Variants in PIK3C2G observed in about 807,000 individuals in gnomAD.
PIK3C2G encodes the protein phosphatidylinositol-4-phosphate 3-kinase catalytic subunit type 2 gamma, also known as phosphatidylinositol 3-kinase C2 domain-containing subunit gamma.
A neutral mutation model predicts 181.1 loss-of-function variants in PIK3C2G; 168 were observed. The observed-to-expected ratio is 0.93, with a 90% confidence interval of 0.82 to 1.05. The LOEUF (loss-of-function observed/expected upper bound fraction) is 1.05, where lower values mean the gene tolerates loss of function less well. Among genes scored for constraint, PIK3C2G ranks in the 50% least tolerant of loss-of-function variants. The pLI is 0.00. For missense variants in PIK3C2G, 1,869 were observed against 1,732.8 expected (o/e 1.08, Z -1.40); for synonymous variants, 573 against 592.2 (o/e 0.97, Z 0.47).
chr12:18,568,234 C>G (rs1469400242), intron 29 of PIK3C2G, among the ~76,000 whole-genome samples: 1 of 152,100 alleles, frequency 6.6e-6, no homozygotes, highest in Non-Finnish European at 1.5e-5. Context: ...TCACGGGGAT[C>G]TAAGAAAATG....
At chr12:18,518,956 G>C (rs1180878279) in intron 24 of PIK3C2G, among the ~76,000 whole-genome samples, 1 of 152,168 alleles carries the variant, frequency 6.6e-6, no homozygotes, top group African/African-American at 2.4e-5. Flanking sequence ...TGGTTTCAAA[G>C]AACTTCTTGA....
chr12:18,570,081 G>A (rs1945845354), intron 29 of PIK3C2G, among the ~76,000 whole-genome samples: 1 of 152,060 alleles, frequency 6.6e-6, no homozygotes, highest in Non-Finnish European at 1.5e-5. Context: ...TTCTTAGTAA[G>A]AACATACCCT....
At chr12:18,698,592 T>C in the PIK3C2G span, among the ~76,000 whole-genome samples, 1 of 152,156 alleles carries the variant, frequency 6.6e-6, no homozygotes, top group East Asian at 1.9e-4. Context: ...GGTGCTGATT[T>C]TCCTTCTGTG....
At chr12:18,702,785 C>T in the PIK3C2G span, among the ~76,000 whole-genome samples, 2 of 150,520 alleles carry the variant, frequency 1.3e-5, no homozygotes, top group Admixed American at 6.6e-5. Flanking sequence ...AATTCTTTTA[C>T]ACACAAGGAC....
At chr12:18,539,032 G>A (rs117083028) in intron 25 of PIK3C2G, among the ~76,000 whole-genome samples, 2,332 of 151,906 alleles carry the variant, frequency 0.015, 25 homozygotes, top group Non-Finnish European at 0.021. Flanking sequence ...AACTATACAT[G>A]GGAAACATAC....
the PIK3C2G span, among the ~76,000 whole-genome samples, chr12:18,662,100 GAAC>G: frequency 1.3e-5 from 2 of 152,154 alleles, no homozygotes; most frequent in East Asian, 3.9e-4. Context: ...ACAAAAATGA[GAAC>G]AATAGACACT....
Position 18,495,248 on chromosome 12 carries a change from C to T in PIK3C2G, c.2794-814C>T, listed in dbSNP as rs187333028. On this transcript the variant is annotated intron_variant, in intron 20 of 32. Transcript: ENST00000538779. ...ATGAAGTCTTCAATGCCATCATGAA[C>T]TCTCTAATAGCCTAAAGACATACAG... Among the ~76,000 whole-genome samples, 336 of 152,070 alleles carry T rather than the reference C, an allele frequency of 2.2e-3. 3 individuals are homozygous for T. Among genetic ancestry groups the T allele is most frequent in the Non-Finnish European group, 2.1e-3 (145 of 67,948 alleles).
chr12:18,584,815 G>A (rs955533082), intron 29 of PIK3C2G, among the ~76,000 whole-genome samples: 7 of 151,918 alleles, frequency 4.6e-5, no homozygotes, highest in Non-Finnish European at 1.0e-4. Flanking sequence ...CACCTACAAA[G>A]GGAACACCAT....
intron 3 of PIK3C2G, among the ~76,000 whole-genome samples, chr12:18,288,988 T>C (rs558146723): frequency 5.3e-5 from 8 of 152,308 alleles, no homozygotes; most frequent in Non-Finnish European, 8.8e-5. Context: ...ACAATAACTT[T>C]AGAGTAGTGA....
chr12:18,657,314 G>T, the PIK3C2G span, among the ~76,000 whole-genome samples: 263 of 152,274 alleles, frequency 1.7e-3, 4 homozygotes, highest in East Asian at 0.036. Context: ...AAATACCTGG[G>T]ATTTAGATGA....
the PIK3C2G span, among the ~76,000 whole-genome samples, chr12:18,726,168 A>T: frequency 6.6e-6 from 1 of 152,136 alleles, no homozygotes; most frequent in Non-Finnish European, 1.5e-5. Flanking sequence ...ATCTCCCTAG[A>T]CTTAAGGAGG....
At chr12:18,696,226 T>G in the PIK3C2G span, 1 of 1,599,462 alleles carries the variant, frequency 6.3e-7, no homozygotes, top group Non-Finnish European at 8.5e-7. Flanking sequence ...TGGGATATAT[T>G]CTGGTAATGA....
At chr12:18,468,676 T>C (rs1284782270) in intron 18 of PIK3C2G, among the ~76,000 whole-genome samples, 3 of 152,096 alleles carry the variant, frequency 2.0e-5, no homozygotes, top group Non-Finnish European at 4.4e-5. Flanking sequence ...AGCTCATGAT[T>C]TTTAAGCAGT....
intron 15 of PIK3C2G, among the ~76,000 whole-genome samples, chr12:18,397,516 T>G (rs1006146558): frequency 3.9e-5 from 6 of 151,908 alleles, no homozygotes; most frequent in African/African-American, 1.4e-4. Flanking sequence ...TATAAGAAGA[T>G]AGTATATGAA....
At chr12:18,505,108 C>T (rs1565457905) in intron 23 of PIK3C2G, among the ~76,000 whole-genome samples, 184 bp from the exon 24 acceptor site, 1 of 152,158 alleles carries the variant, frequency 6.6e-6, no homozygotes, top group Non-Finnish European at 1.5e-5. Flanking sequence ...ACAGTTGTTT[C>T]ATATTCTTCT....
rs115796949 is a variant in PIK3C2G at position 18,432,077 on chromosome 12, A to G, written c.2504+8038A>G. Among the ~76,000 whole-genome samples, 1,157 of 152,320 alleles carry G rather than the reference A, an allele frequency of 7.6e-3. 16 individuals carry two copies. Among genetic ancestry groups the G allele is most frequent in the African/African-American group, 0.026 (1,101 of 41,568 alleles). On this transcript the variant is annotated intron_variant, in intron 18 of 32. Transcript: ENST00000538779. ...TGTCTGTTTTGTTTCTATTTTATGC[A>G]ATAGAGATTTTATGTAGTTCCTTTA...
Position 18,479,717 on chromosome 12 carries a change from T to C in PIK3C2G, c.2505-8732T>C, listed in dbSNP as rs979609087. ...GCATGCAGGTTCTTGCCAGAGTTGG[T>C]GAAAGTAGAAAACAGTCTTTCAAAT... On this transcript the variant is annotated intron_variant, in intron 18 of 32. Coordinates refer to ENST00000538779, the MANE Select transcript of PIK3C2G (RefSeq NM_001288772.2). Among the ~76,000 whole-genome samples, 4 of 152,104 alleles carry C rather than the reference T, an allele frequency of 2.6e-5. No homozygotes were observed. In the South Asian group the frequency reaches 6.2e-4, roughly 24 times the overall value.
chr12:18,711,107 C>T, the PIK3C2G span, among the ~76,000 whole-genome samples: 1 of 151,884 alleles, frequency 6.6e-6, no homozygotes, highest in Admixed American at 6.6e-5. Context: ...CGGCACTATT[C>T]ACAATAGCAA....
At chr12:18,723,285 G>A in the PIK3C2G span, 19 of 1,567,524 alleles carry the variant, frequency 1.2e-5, no homozygotes, top group South Asian at 3.4e-5. Flanking sequence ...TAAATATTCC[G>A]ATAAAAGTTT....
Sources: gnomAD v4.1 joint callset for allele counts (sites outside exome capture counted in the v4.1 genomes callset) on GRCh38, gnomAD v4.1.1 for gene constraint, MANE v1.5 for transcripts, NCBI Gene and HGNC (gene_info 2026-07-23, HGNC 2026-07-21) for gene names.